LOC400499: variants seen among roughly 807,000 people sequenced by gnomAD.
the LOC400499 span, among the ~76,000 whole-genome samples, chr16:11,377,028 C>T: frequency 6.7e-6 from 1 of 149,636 alleles, no homozygotes; most frequent in African/African-American, 2.5e-5. Context: ...ATCGTCAAAA[C>T]TGACAGCCTT....
chr16:11,509,690 G>A, the LOC400499 span, among the ~76,000 whole-genome samples: 5 of 151,964 alleles, frequency 3.3e-5, no homozygotes, highest in African/African-American at 1.2e-4. Flanking sequence ...AATTAGCTGG[G>A]CGTGGTGGCA....
the LOC400499 span, among the ~76,000 whole-genome samples, chr16:11,415,509 G>C: frequency 6.6e-6 from 1 of 152,196 alleles, no homozygotes; most frequent in Admixed American, 6.5e-5. Flanking sequence ...ACACGGGAGA[G>C]GACCACTTGT....
At chr16:11,465,888 G>GAGAAAGGAAAGAAAAGGA in the LOC400499 span, among the ~76,000 whole-genome samples, 3 of 151,566 alleles carry the variant, frequency 2.0e-5, no homozygotes, top group African/African-American at 7.3e-5. Flanking sequence ...AAGACAGGGC[G>GAGAAAGGAAAGAAAAGGA]AGAAAGGAAA....
chr16:11,487,513 G>C, the LOC400499 span: 5 of 378,750 alleles, frequency 1.3e-5, no homozygotes, highest in Non-Finnish European at 2.3e-5. Context: ...TCCCTGGCCA[G>C]GATGGGAAAC....
the LOC400499 span, among the ~76,000 whole-genome samples, chr16:11,502,691 G>A: frequency 0.035 from 5,198 of 149,922 alleles, 283 homozygotes; most frequent in African/African-American, 0.12. Context: ...CTCGGCTCAC[G>A]GCAACCTCCA....
the LOC400499 span, chr16:11,398,521 G>C: frequency 5.7e-6 from 7 of 1,232,164 alleles, no homozygotes; most frequent in East Asian, 1.3e-4. Context: ...TGGAATGAGA[G>C]GGCCTATGGG....
At chr16:11,384,492 T>G in the LOC400499 span, among the ~76,000 whole-genome samples, 78 of 152,226 alleles carry the variant, frequency 5.1e-4, no homozygotes, top group African/African-American at 1.8e-3. Flanking sequence ...GCCCTGGCTG[T>G]AAACCCTCAT....
At chr16:11,423,381 C>T in the LOC400499 span, 2 of 397,156 alleles carry the variant, frequency 5.0e-6, no homozygotes, top group Admixed American at 8.8e-5. Flanking sequence ...CAAATAACCC[C>T]AAAGAGAGGT....
chr16:11,393,263 G>C, the LOC400499 span: 1 of 710,962 alleles, frequency 1.4e-6, no homozygotes, highest in East Asian at 3.6e-5. Context: ...CAAAGTGCTA[G>C]GATTACAGGT....
chr16:11,494,776 G>A, the LOC400499 span: 9 of 398,992 alleles, frequency 2.3e-5, no homozygotes, highest in South Asian at 1.3e-4. Flanking sequence ...GACAGAAATC[G>A]GCCCCCACCC....
the LOC400499 span, chr16:11,450,583 T>C: frequency 4.2e-4 from 645 of 1,532,970 alleles, 2 homozygotes; most frequent in African/African-American, 7.6e-3. Context: ...GGACCAGACA[T>C]ATATCGGGGG....
At chr16:11,479,817 A>G in the LOC400499 span, among the ~76,000 whole-genome samples, 1 of 151,882 alleles carries the variant, frequency 6.6e-6, no homozygotes, top group Non-Finnish European at 1.5e-5. Flanking sequence ...CAGTTTTTCC[A>G]TTTCTGTCCT....
the LOC400499 span, among the ~76,000 whole-genome samples, chr16:11,480,781 C>T: frequency 0.011 from 1,634 of 152,232 alleles, 12 homozygotes; most frequent in Non-Finnish European, 0.018. Flanking sequence ...CTGATGGATA[C>T]AGAAATTGTT....
chr16:11,434,433 G>T, the LOC400499 span, among the ~76,000 whole-genome samples: 5 of 152,116 alleles, frequency 3.3e-5, no homozygotes, highest in Non-Finnish European at 7.4e-5. Context: ...GAGGGGAATG[G>T]TGTCTGAAGT....
the LOC400499 span, chr16:11,390,221 G>A: frequency 2.4e-6 from 3 of 1,232,540 alleles, no homozygotes; most frequent in Non-Finnish European, 3.0e-6. Flanking sequence ...GGAGGGGACA[G>A]TGAGAGCTGG....
the LOC400499 span, chr16:11,411,375 G>A: frequency 2.5e-6 from 1 of 399,194 alleles, no homozygotes; most frequent in Non-Finnish European, 4.4e-6. Flanking sequence ...ACAGCACCTT[G>A]TCCAGTGCCC....
chr16:11,494,382 G>C, the LOC400499 span, among the ~76,000 whole-genome samples: 1 of 148,078 alleles, frequency 6.8e-6, no homozygotes, highest in African/African-American at 2.5e-5. Flanking sequence ...CAGTGGTATA[G>C]AAGGGGCAGT....
the LOC400499 span, among the ~76,000 whole-genome samples, chr16:11,458,980 T>C: frequency 1.3e-5 from 2 of 151,534 alleles, no homozygotes; most frequent in Admixed American, 6.6e-5. Flanking sequence ...GAGGTTGCAG[T>C]GAGCCAAGAT....
chr16:11,492,237 G>A, the LOC400499 span, among the ~76,000 whole-genome samples: 1 of 151,682 alleles, frequency 6.6e-6, no homozygotes, highest in Non-Finnish European at 1.5e-5. Context: ...ATACCTATTG[G>A]CTTCCTCCAC....
Sources: gnomAD v4.1 joint callset for allele counts (sites outside exome capture counted in the v4.1 genomes callset) on GRCh38, gnomAD v4.1.1 for gene constraint, MANE v1.5 for transcripts.